Variants in ASTN2 observed in about 807,000 individuals in gnomAD.
The protein encoded by ASTN2 is astrotactin-2.
A neutral mutation model predicts 139.8 loss-of-function variants in ASTN2; 54 were observed. That is an observed-to-expected ratio of 0.39 (90% CI 0.31 to 0.48). ASTN2 has a LOEUF of 0.48. Among genes scored for constraint, ASTN2 ranks in the 20% least tolerant of loss-of-function variants. The pLI, the probability that ASTN2 is intolerant of heterozygous loss-of-function variation, is 0.95. For synonymous variants in ASTN2, 756 were observed against 719.5 expected (o/e 1.05, Z -0.81); for missense variants, 1,565 against 1,725.1 (o/e 0.91, Z 1.64).
chr9:117,119,485 C>CG (rs1034490843), intron 4 of ASTN2, among the ~76,000 whole-genome samples: 2 of 152,112 alleles, frequency 1.3e-5, no homozygotes, highest in African/African-American at 4.8e-5. Context: ...TCCTGACCCT[C>CG]TCCAGCACCT....
At chr9:116,840,324 C>T (rs1259055231) in intron 11 of ASTN2, among the ~76,000 whole-genome samples, 1 of 151,266 alleles carries the variant, frequency 6.6e-6, no homozygotes, top group African/African-American at 2.4e-5. Context: ...CTTTTCCTCA[C>T]CTTTCCCCCC....
intron 22 of ASTN2, among the ~76,000 whole-genome samples, chr9:116,432,855 G>C (rs1847540708): frequency 6.6e-6 from 1 of 152,030 alleles, no homozygotes; most frequent in South Asian, 2.1e-4. Context: ...GCTTGAACCT[G>C]GGAGGCAGTG....
At chr9:117,182,240 A>T (rs991637917) in intron 3 of ASTN2, among the ~76,000 whole-genome samples, 2 of 149,340 alleles carry the variant, frequency 1.3e-5, no homozygotes, top group African/African-American at 4.9e-5. Context: ...TTCCAAAAAA[A>T]AAAAAATAAT....
chr9:116,499,566 C>G (rs1024214196), intron 19 of ASTN2, among the ~76,000 whole-genome samples: 2 of 152,146 alleles, frequency 1.3e-5, no homozygotes, highest in African/African-American at 4.8e-5. Flanking sequence ...ATGTAGTTGT[C>G]TTCCTCCCCT....
rs141340470 is a variant in ASTN2 at position 117,007,274 on chromosome 9, C to T, written c.1591+818G>A. Among the ~76,000 whole-genome samples the T allele has an allele frequency of 7.2e-3, 1,102 of 152,200 alleles. 14 individuals carry two copies. Among genetic ancestry groups the T allele is most frequent in the Admixed American group, 0.027 (410 of 15,286 alleles). On this transcript the variant is annotated intron_variant, in intron 7 of 22. Transcript: ENST00000313400. ...TGTACATCATTCTTTTCCCCTACAC[C>T]GGCATCTATCATCACCTAACAGAGT...
At chr9:116,736,027 C>A (rs1828916967) in intron 13 of ASTN2, among the ~76,000 whole-genome samples, 1 of 152,138 alleles carries the variant, frequency 6.6e-6, no homozygotes. Flanking sequence ...ATTTACATTC[C>A]CCATTCAGAC....
intron 4 of ASTN2, among the ~76,000 whole-genome samples, chr9:117,136,325 G>A (rs367777569): frequency 3.2e-4 from 48 of 152,244 alleles, no homozygotes; most frequent in African/African-American, 1.1e-3. Context: ...AATTGAGCAA[G>A]TGTTAAATTA....
At chr9:116,817,178 C>CG (rs1831355329) in intron 12 of ASTN2, among the ~76,000 whole-genome samples, 1 of 151,602 alleles carries the variant, frequency 6.6e-6, no homozygotes, top group Non-Finnish European at 1.5e-5. Flanking sequence ...CCTATAGTCC[C>CG]GGGTACTAGG....
At position 117,095,742 on chromosome 9, in the gene ASTN2, A is replaced by G. The variant is rs946169186; in HGVS notation, c.1276+302T>C. The stretch of plus-strand genomic sequence containing the variant: ...AATAATTTTCCTTATTCTTATTTTC[A>G]TATTAATATGATTAGTTATTTCATT... On this transcript the variant is annotated intron_variant, in intron 5 of 22. Coordinates refer to ENST00000313400, the MANE Select transcript of ASTN2 (RefSeq NM_001365068.1). Among the ~76,000 whole-genome samples, 3 of 152,200 alleles carry G rather than the reference A, an allele frequency of 2.0e-5. No homozygotes were observed. In the East Asian group the frequency reaches 5.8e-4, roughly 29 times the overall value.
intron 1 of ASTN2, among the ~76,000 whole-genome samples, chr9:117,389,408 A>C (rs1299054792): frequency 6.6e-6 from 1 of 152,188 alleles, no homozygotes; most frequent in Non-Finnish European, 1.5e-5. Context: ...ATTCAACTCA[A>C]CCGTTCTCTT....
At chr9:117,249,688 A>AT (rs1264860816) in intron 2 of ASTN2, among the ~76,000 whole-genome samples, 1 of 122,154 alleles carries the variant, frequency 8.2e-6, no homozygotes, top group African/African-American at 2.6e-5. Flanking sequence ...AACCACTGAC[A>AT]TTGTCTTTTT....
intron 1 of ASTN2, among the ~76,000 whole-genome samples, chr9:117,358,584 C>A (rs544653622): frequency 6.6e-6 from 1 of 152,080 alleles, no homozygotes; most frequent in African/African-American, 2.4e-5. Context: ...ACAGACTTGT[C>A]GACCACCAGC....
chr9:116,625,904 C>T (rs954539307), intron 17 of ASTN2, among the ~76,000 whole-genome samples: 1 of 152,164 alleles, frequency 6.6e-6, no homozygotes, highest in African/African-American at 2.4e-5. Context: ...ACAAATTTCA[C>T]ATTTCCTTGA....
At chr9:117,090,373 C>T (rs1333761616) in intron 5 of ASTN2, among the ~76,000 whole-genome samples, 1 of 152,190 alleles carries the variant, frequency 6.6e-6, no homozygotes, top group African/African-American at 2.4e-5. Context: ...CTTCCTTCCA[C>T]TCTCCATATT....
chr9:117,131,901 T>A (rs1829836351), intron 4 of ASTN2, among the ~76,000 whole-genome samples: 1 of 152,240 alleles, frequency 6.6e-6, no homozygotes, highest in Admixed American at 6.5e-5. Flanking sequence ...ACTATCATGG[T>A]CTATAGTCAC....
At chr9:116,810,556 A>T (rs754979857) in intron 12 of ASTN2, among the ~76,000 whole-genome samples, 2 of 152,204 alleles carry the variant, frequency 1.3e-5, no homozygotes, top group Non-Finnish European at 2.9e-5. Flanking sequence ...TGTTTTCTAC[A>T]TAGTTATTAC....
chr9:116,983,563 C>A (rs1836579337), intron 7 of ASTN2, among the ~76,000 whole-genome samples: 1 of 152,200 alleles, frequency 6.6e-6, no homozygotes, highest in African/African-American at 2.4e-5. Context: ...CTGCCTTTGA[C>A]AATGATCATG....
intron 2 of ASTN2, among the ~76,000 whole-genome samples, chr9:117,276,229 A>G (rs773557371): frequency 4.6e-5 from 7 of 152,192 alleles, no homozygotes; most frequent in Non-Finnish European, 8.8e-5. Flanking sequence ...TATTGTTGGC[A>G]CTACTTTACA....
At position 116,558,363 on chromosome 9, in the gene ASTN2, C is replaced by CT. The variant is rs35136766; in HGVS notation, c.3355+59960dup. ...CTCTGCAAGACAAGTATGGTCACTA[C>CT]TTTTTTTTTTTTTAACTGCACTGAA... On this transcript the variant is annotated intron_variant, in intron 19 of 22. Transcript: ENST00000313400. Among the ~76,000 whole-genome samples the CT allele has an allele frequency of 6.1e-3, 905 of 147,596 alleles. 8 individuals carry two copies. The highest frequency in any genetic ancestry group is 0.027 in the East Asian group (136 of 5,060).
Sources: gnomAD v4.1 joint callset for allele counts (sites outside exome capture counted in the v4.1 genomes callset) on GRCh38, gnomAD v4.1.1 for gene constraint, MANE v1.5 for transcripts, NCBI Gene and HGNC (gene_info 2026-07-23, HGNC 2026-07-21) for gene names.